The following TFIP11 variants were observed in gnomAD, a reference collection of about 807,000 sequenced individuals.
TFIP11 encodes tuftelin interacting protein 11, also known as tuftelin-interacting protein 11.
In TFIP11, 86 loss-of-function variants were observed where a neutral mutation model predicts 96.8. That is an observed-to-expected ratio of 0.89 (90% CI 0.75 to 1.06). The LOEUF (loss-of-function observed/expected upper bound fraction) is 1.06. TFIP11 is among the 50% of genes least tolerant of loss of function. TFIP11 has a pLI of 0.00. For synonymous variants in TFIP11, 405 were observed against 395.2 expected, an observed-to-expected ratio of 1.02 and a Z score of -0.29; for missense variants, 881 against 1,076.7, an observed-to-expected ratio of 0.82 and a Z score of 2.54.
rs138218986 is a variant in TFIP11 at position 26,494,961 on chromosome 22, T to C, written c.1850-22A>G. On this transcript the variant is annotated intron_variant, in intron 12 of 14. Coordinates refer to ENST00000407690, the MANE Select transcript of TFIP11 (RefSeq NM_012143.4). ...ATCCCTGGAAGAGAAACCCGGTCTG[T>C]AAGGCACAGCTTTAGTACTGGCAAA... The C allele has an allele frequency of 2.7e-3, 4,298 of 1,614,080 alleles. 15 individuals are homozygous for C. Among genetic ancestry groups the C allele is most frequent in the Non-Finnish European group, 3.2e-3 (3,834 of 1,179,962 alleles).
chr22:26,501,122 C>A (rs1297960766), intron 8 of TFIP11, among the ~76,000 whole-genome samples: 2 of 152,162 alleles, frequency 1.3e-5, no homozygotes, highest in African/African-American at 2.4e-5. Context: ...ACCTTGTGAT[C>A]TGCCCGCCTA....
intron 12 of TFIP11, among the ~76,000 whole-genome samples, chr22:26,495,630 ATATACATGTG>A (rs1409311506): frequency 1.8e-4 from 5 of 27,294 alleles, no homozygotes; most frequent in African/African-American, 4.0e-4. Flanking sequence ...ATATATGTGT[ATATACATGTG>A]TATATATACA....
chr22:26,500,196 A>C (rs1028667677), intron 8 of TFIP11, among the ~76,000 whole-genome samples: 28 of 152,116 alleles, frequency 1.8e-4, no homozygotes, highest in Non-Finnish European at 3.2e-4. Flanking sequence ...TTGAGACAGA[A>C]TCTCGCTCTG....
chr22:26,499,734 C>T (rs1452501362), intron 8 of TFIP11, 103 bp from the exon 9 acceptor site: 20 of 1,224,310 alleles, frequency 1.6e-5, no homozygotes, highest in Non-Finnish European at 1.9e-5. Flanking sequence ...GTGTAGAAAC[C>T]ACATTATTCA....
chr22:26,491,873 C>T lies in TFIP11; in HGVS notation c.*140G>A, dbSNP rs2041419504. The T allele has an allele frequency of 2.0e-6, 2 of 999,200 alleles. No homozygotes were observed. Among genetic ancestry groups the T allele is most frequent in the Admixed American group, 5.3e-5 (2 of 37,778 alleles). 61.9% of individuals were successfully genotyped at this position (999,200 alleles called of 1,614,324 possible). A position where few individuals can be genotyped will look rare whatever the true frequency, so the allele number is the denominator to read the frequency against. Reference sequence around the variant, plus strand: ...ACGTGGCATTGTCCCATTTTACATCCTTCCCTCATGACCTGGCCTGATGTG... The same window carrying T: ...ACGTGGCATTGTCCCATTTTACATCTTTCCCTCATGACCTGGCCTGATGTG... On this transcript the variant is annotated 3_prime_UTR_variant, in exon 15 of 15. Transcript: ENST00000407690.
At chr22:26,493,946 G>C (rs1921575671) in intron 14 of TFIP11, 193 bp downstream of exon 14, 1 of 587,086 alleles carries the variant, frequency 1.7e-6, no homozygotes, top group African/African-American at 1.9e-5. Context: ...TCTCAGTCAT[G>C]GTAGACCTGG....
At chr22:26,501,595 T>C (rs1033924693) in intron 8 of TFIP11, among the ~76,000 whole-genome samples, 1 of 151,540 alleles carries the variant, frequency 6.6e-6, no homozygotes, top group African/African-American at 2.4e-5. Context: ...AATTCACTGA[T>C]GTAAGCTCCA....
At chr22:26,497,874 C>CAAAA (rs35461044) in intron 10 of TFIP11, among the ~76,000 whole-genome samples, 1 of 89,140 alleles carries the variant, frequency 1.1e-5, no homozygotes, top group Admixed American at 1.3e-4. Context: ...GACTTCATCT[C>CAAAA]AAAAAAAAAA....
At chr22:26,508,992 G>A (rs1291810805) in intron 4 of TFIP11, among the ~76,000 whole-genome samples, 2 of 152,166 alleles carry the variant, frequency 1.3e-5, no homozygotes, top group Admixed American at 6.5e-5. Flanking sequence ...TTGTGCTGGG[G>A]AGAAGACGTG....
In TFIP11 at chr22:26,501,931, G is replaced by A. The variant is rs2147137400; in HGVS notation, c.770C>T (p.Thr257Ile). The A allele has an allele frequency of 6.2e-7, 1 of 1,613,812 alleles. No individual in the cohort carries two copies. The highest frequency in any genetic ancestry group is 1.1e-5 in the South Asian group (1 of 91,054). Residue 257 changes from threonine (T) to isoleucine (I), a missense_variant, in exon 8 of 15, where the codon ACT becomes ATT. Coordinates refer to ENST00000407690, the MANE Select transcript of TFIP11 (RefSeq NM_012143.4). ...TTGAGAAAGTTCCTTCTGGGGAGCAGTGAGCTTCTTGCTAATCCTGCCCTT... is the reference window on the plus strand; with the variant it reads ...TTGAGAAAGTTCCTTCTGGGGAGCAATGAGCTTCTTGCTAATCCTGCCCTT... ...KAKGRISKKL[T>I]APQKELSQVK...
At position 26,496,087 on chromosome 22, in the gene TFIP11, A is replaced by T. The variant is rs954116018; in HGVS notation, c.1835T>A (p.Ile612Lys). ...CTTATCCTTACCCAGCTTGGGCACT[A>T]TGTTTTTGACCATGAATGCTTCCCA... is the stretch of plus-strand genomic sequence containing the variant. ...GSWEAFMVKN[I>K]VPKLGMCLGE... Residue 612 changes from isoleucine (I) to lysine (K), a missense_variant, in exon 12 of 15, where the codon ATA (isoleucine) becomes AAA (lysine). Physicochemically the swap from Ile to Lys is moderately radical, Grantham distance 102 (BLOSUM62 -3). Coordinates refer to ENST00000407690, the MANE Select transcript of TFIP11 (RefSeq NM_012143.4). 1 of 1,613,774 alleles carries T rather than the reference A, an allele frequency of 6.2e-7. No homozygotes were observed. The highest frequency in any genetic ancestry group is 2.2e-5 in the East Asian group (1 of 44,884).
chr22:26,499,684 C>T, intron 8 of TFIP11, 53 bp from the exon 9 acceptor site: 1 of 1,541,324 alleles, frequency 6.5e-7, no homozygotes, highest in South Asian at 1.2e-5. Flanking sequence ...CTGTTAAACA[C>T]ACAGCTAAGC....
intron 6 of TFIP11, among the ~76,000 whole-genome samples, chr22:26,505,736 T>C (rs1923327600): frequency 7.4e-6 from 1 of 134,396 alleles, no homozygotes. Context: ...ATTTATTTAT[T>C]CAGGGATGGA....
In TFIP11 at chr22:26,499,538, G is replaced by GT; in HGVS notation, c.894dup (p.Gln299ThrfsTer41). 6.2e-7 allele frequency: 1 copy of GT among 1,614,234 alleles called. No individual in the cohort carries two copies. On this transcript the variant is annotated frameshift_variant, in exon 9 of 15. Coordinates refer to ENST00000407690, the MANE Select transcript of TFIP11 (RefSeq NM_012143.4). LOFTEE classifies it high-confidence loss of function. ...CCAGACTGTGGCAGCTGTTGGGACT[G>GT]TAGCGGCAGCCCATCATCGGGAACG...
intron 10 of TFIP11, 147 bp from the exon 11 acceptor site, chr22:26,497,036 C>T (rs1331727388): frequency 6.5e-6 from 6 of 917,862 alleles, no homozygotes; most frequent in Non-Finnish European, 9.7e-6. Flanking sequence ...AGTCACCATA[C>T]TGGCCAGACT....
intron 14 of TFIP11, chr22:26,493,157 A>G (rs1461041124): frequency 6.6e-6 from 1 of 151,952 alleles, no homozygotes; most frequent in African/African-American, 2.4e-5. Context: ...CCTCCTAAGT[A>G]GCTGGCATTA....
At chr22:26,493,778 A>G (rs1338085548) in intron 14 of TFIP11, 2 of 226,088 alleles carry the variant, frequency 8.8e-6, no homozygotes, top group African/African-American at 4.6e-5. Context: ...CCGCGTGCCA[A>G]ACTCCACACT....
intron 2 of TFIP11, among the ~76,000 whole-genome samples, chr22:26,511,483 AATC>A (rs1384564385): frequency 6.6e-6 from 1 of 152,198 alleles, no homozygotes; most frequent in Non-Finnish European, 1.5e-5. Context: ...TTACCATCAC[AATC>A]ATCATTATTA....
rs201655038 is a variant in TFIP11 at position 26,512,310 on chromosome 22, C to T, written c.-173+84G>A. 1.3e-4 allele frequency: 20 copies of T among 152,424 alleles called. No homozygotes were observed. The East Asian group carries it at 3.1e-3, about 23-fold the overall frequency. The allele number at this position is 152,424 out of a possible 1,614,324, so 9.4% of individuals were successfully genotyped here. A position where few individuals can be genotyped will look rare whatever the true frequency, so the allele number is the denominator to read the frequency against. On this transcript the variant is annotated intron_variant, in intron 1 of 14. Transcript: ENST00000407690. ...ATGGATTCCCCTCCCCACACCCCAACGGCTTGGACCGAAGCTCGCCTTCCC... is the reference window on the plus strand; with the variant it reads ...ATGGATTCCCCTCCCCACACCCCAATGGCTTGGACCGAAGCTCGCCTTCCC...
Sources: gnomAD v4.1 joint callset for allele counts (sites outside exome capture counted in the v4.1 genomes callset) on GRCh38, gnomAD v4.1.1 for gene constraint, MANE v1.5 for transcripts, NCBI Gene and HGNC (gene_info 2026-07-23, HGNC 2026-07-21) for gene names.